CDC37L1: variants seen among roughly 807,000 people sequenced by gnomAD.
CDC37L1 encodes the protein cell division cycle 37 like 1, HSP90 cochaperone, also known as hsp90 co-chaperone Cdc37-like 1.
Under a neutral mutation model 45.9 loss-of-function variants are expected in CDC37L1, and 32 were observed. That is an observed-to-expected ratio of 0.70 (90% confidence interval 0.53 to 0.94). The LOEUF (loss-of-function observed/expected upper bound fraction) is 0.94, where lower values mean the gene tolerates loss of function less well. CDC37L1 is among the 40% of genes least tolerant of loss of function. The pLI, the probability that CDC37L1 is intolerant of heterozygous loss-of-function variation, is 0.00. For missense variants in CDC37L1, 434 were observed against 405.7 expected, an observed-to-expected ratio of 1.07 and a Z score of -0.60; for synonymous variants, 150 against 133.0, an observed-to-expected ratio of 1.13 and a Z score of -0.88.
At chr9:4,699,363 T>C (rs912333924) in intron 5 of CDC37L1, among the ~76,000 whole-genome samples, 1 of 152,196 alleles carries the variant, frequency 6.6e-6, no homozygotes, top group Non-Finnish European at 1.5e-5. Context: ...AATGCAAATA[T>C]TCCCAGATCT....
At chr9:4,682,225 C>T (rs891813953) in intron 1 of CDC37L1, among the ~76,000 whole-genome samples, 18 of 145,690 alleles carry the variant, frequency 1.2e-4, no homozygotes, top group Admixed American at 2.1e-4. Flanking sequence ...TGCAATGGCA[C>T]GATATTGGCT....
chr9:4,703,167 T>C (rs1193743416), intron 6 of CDC37L1: 13 of 1,482,524 alleles, frequency 8.8e-6, no homozygotes, highest in Non-Finnish European at 1.1e-5. Context: ...CAAAAGACAA[T>C]GTGAGGAGAG....
chr9:4,692,577 T>G, intron 3 of CDC37L1, among the ~76,000 whole-genome samples: 1 of 152,182 alleles, frequency 6.6e-6, no homozygotes, highest in African/African-American at 2.4e-5. Context: ...GCCTTAATTT[T>G]GGTTTTTTAA....
In CDC37L1 at chr9:4,697,873, A is replaced by G. The variant is rs1295270330; in HGVS notation, c.741A>G (p.Lys247=). Residue 247 remains lysine, a synonymous_variant, in exon 5 of 7, where the codon AAA becomes AAG. Coordinates refer to ENST00000381854, the MANE Select transcript of CDC37L1 (RefSeq NM_017913.4). ...GGTGTTTTCGTTTATTTTTCCAGAA[A>G]GCCAAAGTAAGTAGTTATTTGATAT... is the stretch of plus-strand genomic sequence containing the variant. ...PRGCFRLFFQ[K]AKAEEEGYFE... 17 of 1,613,204 alleles carry G rather than the reference A, an allele frequency of 1.1e-5. No individual in the cohort carries two copies. The highest frequency in any genetic ancestry group is 1.4e-5 in the Non-Finnish European group (16 of 1,179,566).
At chr9:4,693,278 C>CAAA (rs113078159) in intron 3 of CDC37L1, among the ~76,000 whole-genome samples, 2 of 125,430 alleles carry the variant, frequency 1.6e-5, no homozygotes, top group African/African-American at 3.0e-5. Flanking sequence ...CTCATCTCTA[C>CAAA]AAAAAAAAAA....
chr9:4,698,733 A>C (rs925496669), intron 5 of CDC37L1, among the ~76,000 whole-genome samples: 1 of 152,148 alleles, frequency 6.6e-6, no homozygotes, highest in Non-Finnish European at 1.5e-5. Flanking sequence ...AGACCTTTTC[A>C]GGAGGTTCTC....
chr9:4,697,699 G>A (rs968141098), intron 4 of CDC37L1, 58 bp from the exon 5 acceptor site: 4 of 825,652 alleles, frequency 4.8e-6, no homozygotes, highest in East Asian at 5.4e-5. Flanking sequence ...ATTTGAATCA[G>A]TATGCCAATT....
intron 6 of CDC37L1, among the ~76,000 whole-genome samples, chr9:4,703,543 G>T (rs1261429195): frequency 1.3e-5 from 2 of 152,134 alleles, no homozygotes; most frequent in Admixed American, 6.5e-5. Flanking sequence ...AGCCCATAGG[G>T]AAGTAGTTTT....
Position 4,687,370 on chromosome 9 carries a change from A to G in CDC37L1, c.415-1143A>G, listed in dbSNP as rs150157051. ...AAAATCAAACTGTTTGGTCTCTTCT[A>G]AGAAGTTTATTAGAAATGCAACAAA... On this transcript the variant is annotated intron_variant, in intron 2 of 6. Coordinates refer to ENST00000381854, the MANE Select transcript of CDC37L1 (RefSeq NM_017913.4). Among the ~76,000 whole-genome samples, 266 of 152,342 alleles carry G rather than the reference A, an allele frequency of 1.7e-3. 2 individuals carry two copies. Among genetic ancestry groups the G allele is most frequent in the Middle Eastern group, 0.01 (3 of 294 alleles).
chr9:4,701,363 C>A (rs1461915275), intron 5 of CDC37L1, among the ~76,000 whole-genome samples: 1 of 152,126 alleles, frequency 6.6e-6, no homozygotes, highest in Non-Finnish European at 1.5e-5. Context: ...CTATTGAATT[C>A]TATTTGGTTT....
Position 4,706,256 on chromosome 9 carries a change from A to T in CDC37L1, c.*144A>T. 1 of 460,160 alleles carries T rather than the reference A, an allele frequency of 2.2e-6. No individual in the cohort carries two copies. The highest frequency in any genetic ancestry group is 4.0e-6 in the Non-Finnish European group (1 of 249,638). The allele number at this position is 460,160 out of a possible 1,614,324, so 28.5% of individuals were successfully genotyped here. On this transcript the variant is annotated 3_prime_UTR_variant, in exon 7 of 7. Transcript: ENST00000381854. The stretch of plus-strand genomic sequence containing the variant: ...GAAAGAGTACTGAAATGTTTTGTAA[A>T]TTTTTTTTAATGTGCTGCTAGGTTT...
chr9:4,683,573 G>T (rs1055779350), intron 1 of CDC37L1, among the ~76,000 whole-genome samples: 1 of 152,110 alleles, frequency 6.6e-6, no homozygotes, highest in African/African-American at 2.4e-5. Context: ...TGAGTCTAAA[G>T]AGGTAATGGG....
intron 1 of CDC37L1, among the ~76,000 whole-genome samples, chr9:4,681,901 T>G (rs1841197314): frequency 6.6e-6 from 1 of 152,184 alleles, no homozygotes; most frequent in African/African-American, 2.4e-5. Flanking sequence ...CAGATCATGT[T>G]TAATGTCCCT....
At chr9:4,697,616 C>T (rs553847782) in intron 4 of CDC37L1, 141 bp from the exon 5 acceptor site, 1 of 524,016 alleles carries the variant, frequency 1.9e-6, no homozygotes, top group East Asian at 3.2e-5. Context: ...CTAAGATATA[C>T]TCTTTATATG....
chr9:4,700,301 A>G (rs1170468165), intron 5 of CDC37L1, among the ~76,000 whole-genome samples: 1 of 152,164 alleles, frequency 6.6e-6, no homozygotes, highest in Non-Finnish European at 1.5e-5. Flanking sequence ...GACTATAGGC[A>G]CATGCCACCA....
rs988105452 is a variant in CDC37L1, at chr9:4,702,265, C to T, written c.912+237C>T. Among the ~76,000 whole-genome samples, 16 of 152,258 alleles carry T rather than the reference C, an allele frequency of 1.1e-4. No individual in the cohort carries two copies. The East Asian group carries it at 2.1e-3, about 20-fold the overall frequency. On this transcript the variant is annotated intron_variant, in intron 6 of 6. Transcript: ENST00000381854. ...TGTAGTAGTGATTAGTTATACCTAA[C>T]CATTCTTAAGAACAAATCTTAGCTA...
intron 3 of CDC37L1, among the ~76,000 whole-genome samples, chr9:4,691,778 T>C (rs1841303083): frequency 6.6e-6 from 1 of 152,222 alleles, no homozygotes; most frequent in Admixed American, 6.5e-5. Context: ...TCATGGACTA[T>C]TATAAAGCAT....
chr9:4,682,857 T>G (rs1841209167), intron 1 of CDC37L1, among the ~76,000 whole-genome samples: 1 of 151,606 alleles, frequency 6.6e-6, no homozygotes. Flanking sequence ...TTCCTGGCTC[T>G]GTTTTAAGCA....
chr9:4,696,790 C>T (rs1029379616), intron 3 of CDC37L1, among the ~76,000 whole-genome samples: 5 of 152,112 alleles, frequency 3.3e-5, no homozygotes, highest in Non-Finnish European at 7.4e-5. Context: ...CCCAAGACTG[C>T]GGGCATTCAT....
Sources: gnomAD v4.1 joint callset for allele counts (sites outside exome capture counted in the v4.1 genomes callset) on GRCh38, gnomAD v4.1.1 for gene constraint, MANE v1.5 for transcripts, NCBI Gene and HGNC (gene_info 2026-07-23, HGNC 2026-07-21) for gene names.